CAMTA1: variants seen among roughly 807,000 people sequenced by gnomAD.
CAMTA1 encodes calmodulin binding transcription activator 1, also known as calmodulin-binding transcription activator 1.
Under a neutral mutation model 170.9 loss-of-function variants are expected in CAMTA1, and 27 were observed. That is an observed-to-expected ratio of 0.16 (90% CI 0.12 to 0.22). CAMTA1 has a LOEUF of 0.22. CAMTA1 is among the 10% of genes least tolerant of loss of function. The pLI is 1.00. For missense variants in CAMTA1, 1,619 were observed against 2,217.2 expected, an observed-to-expected ratio of 0.73 and a Z score of 5.42; for synonymous variants, 833 against 891.5, an observed-to-expected ratio of 0.93 and a Z score of 1.17.
At chr1:6,925,858 C>T (rs1353054424) in intron 3 of CAMTA1, among the ~76,000 whole-genome samples, 2 of 152,212 alleles carry the variant, frequency 1.3e-5, no homozygotes, top group Non-Finnish European at 2.9e-5. Context: ...GCTGGCTGAT[C>T]CATCACCAGG....
At chr1:7,180,550 C>T (rs1381675361) in intron 4 of CAMTA1, among the ~76,000 whole-genome samples, 1 of 148,304 alleles carries the variant, frequency 6.7e-6, no homozygotes, top group Non-Finnish European at 1.5e-5. Context: ...CCGGGCCCCC[C>T]TCTATCATCC....
chr1:7,640,919 G>A (rs1338046098), intron 7 of CAMTA1, among the ~76,000 whole-genome samples: 2 of 152,166 alleles, frequency 1.3e-5, no homozygotes, highest in South Asian at 2.1e-4. Context: ...GAGGGGTGGC[G>A]GGAGCGGACC....
At chr1:7,658,791 G>A (rs2095928478) in intron 7 of CAMTA1, among the ~76,000 whole-genome samples, 2 of 152,112 alleles carry the variant, frequency 1.3e-5, no homozygotes, top group Admixed American at 1.3e-4. Flanking sequence ...CTATGATGAG[G>A]TTTAAAAAGC....
chr1:6,937,668 T>C (rs1172320590), intron 3 of CAMTA1, among the ~76,000 whole-genome samples: 3 of 134,702 alleles, frequency 2.2e-5, no homozygotes, highest in Non-Finnish European at 3.2e-5. Context: ...ATCACCATCA[T>C]CATCACCATC....
rs979947542 is a variant in CAMTA1 at position 7,752,521 on chromosome 1, G to A, written c.4946G>A (p.Arg1649His). ...CGAAAAATAATGAGGTTTCTTCGCC[G>A]CTGTCGCCACAGGTACACTAGTCCT... ...AARKIMRFLRRCRHSPLVDHR... is the reference protein window; with the variant it reads ...AARKIMRFLRHCRHSPLVDHR... The change falls in exon 21 of 23, where the codon CGC (arginine) becomes CAC (histidine). Residue 1649 changes from arginine (R) to histidine (H), a missense_variant. By Grantham distance (29) the Arg-to-His change is conservative. Coordinates refer to ENST00000303635, the MANE Select transcript of CAMTA1 (RefSeq NM_015215.4). 17 of 1,606,504 alleles carry A rather than the reference G, an allele frequency of 1.1e-5. No homozygotes were observed. The highest frequency in any genetic ancestry group is 1.7e-5 in the Admixed American group (1 of 59,220).
chr1:7,761,660 A>G (rs2096976949), intron 22 of CAMTA1, among the ~76,000 whole-genome samples: 1 of 152,164 alleles, frequency 6.6e-6, no homozygotes, highest in East Asian at 1.9e-4. Context: ...GTCTATATTT[A>G]CCAAGTTTGT....
intron 5 of CAMTA1, among the ~76,000 whole-genome samples, chr1:7,270,359 A>G (rs1280441081): frequency 7.0e-6 from 1 of 142,556 alleles, no homozygotes; most frequent in African/African-American, 2.7e-5. Flanking sequence ...CAATGGTGTG[A>G]TCTCGGCTCA....
intron 5 of CAMTA1, among the ~76,000 whole-genome samples, chr1:7,445,605 G>T (rs1370510336): frequency 6.6e-6 from 1 of 152,174 alleles, no homozygotes; most frequent in Non-Finnish European, 1.5e-5. Flanking sequence ...GAAAGACCTG[G>T]GCCCAAGGCC....
At chr1:6,901,181 G>A (rs377356213) in intron 3 of CAMTA1, among the ~76,000 whole-genome samples, 2 of 152,196 alleles carry the variant, frequency 1.3e-5, no homozygotes, top group African/African-American at 4.8e-5. Context: ...GGAACAACTG[G>A]ACATTCATGT....
At chr1:7,087,252 T>A (rs1640874124) in intron 3 of CAMTA1, among the ~76,000 whole-genome samples, 1 of 152,206 alleles carries the variant, frequency 6.6e-6, no homozygotes. Flanking sequence ...CATCTCCCGC[T>A]CTGTGTGTTG....
At position 7,249,454 on chromosome 1, in the gene CAMTA1, T is replaced by C; in HGVS notation, c.303-37T>C. The C allele has an allele frequency of 6.3e-7, 1 of 1,586,486 alleles. No individual in the cohort carries two copies. The highest frequency in any genetic ancestry group is 8.6e-7 in the Non-Finnish European group (1 of 1,163,674). ...TTTCTTCATAAATTTTTCTTCTACT[T>C]GGTACTCTTGGTAACTTAACCATTT... On this transcript the variant is annotated intron_variant, in intron 4 of 22. Transcript: ENST00000303635. This position sits in a 1 kb window ranked among gnomAD's most constrained non-coding sequence, Gnocchi z 4.4.
At chr1:7,705,247 G>T (rs1334934855) in intron 11 of CAMTA1, among the ~76,000 whole-genome samples, 8 of 151,226 alleles carry the variant, frequency 5.3e-5, no homozygotes, top group Admixed American at 4.6e-4. Context: ...CTGCAGGGAG[G>T]GGTGCGTTTG....
chr1:6,799,177 C>T (rs755946212), intron 1 of CAMTA1, among the ~76,000 whole-genome samples: 15 of 152,246 alleles, frequency 9.9e-5, no homozygotes, highest in Non-Finnish European at 1.9e-4. Flanking sequence ...AAGTGATCCT[C>T]CTGCCTCAGC....
intron 6 of CAMTA1, among the ~76,000 whole-genome samples, chr1:7,520,852 T>A (rs2094356445): frequency 6.6e-6 from 1 of 152,100 alleles, no homozygotes; most frequent in South Asian, 2.1e-4. Context: ...CATAGAACCT[T>A]CCAGACCAGC....
chr1:7,616,785 A>T (rs1425897737), intron 6 of CAMTA1, among the ~76,000 whole-genome samples: 1 of 152,152 alleles, frequency 6.6e-6, no homozygotes, highest in Non-Finnish European at 1.5e-5. Flanking sequence ...AATGAAGAGG[A>T]GGGGTGAGCG....
intron 4 of CAMTA1, among the ~76,000 whole-genome samples, chr1:7,114,430 C>T (rs1644242491): frequency 1.4e-5 from 2 of 143,652 alleles, no homozygotes; most frequent in Admixed American, 1.4e-4. Flanking sequence ...AATAGTCTAA[C>T]ACTAGTTGAT....
At chr1:6,931,990 CAGGGA>C (rs1684498141) in intron 3 of CAMTA1, among the ~76,000 whole-genome samples, 1 of 152,210 alleles carries the variant, frequency 6.6e-6, no homozygotes, top group African/African-American at 2.4e-5. Flanking sequence ...TGTGTGACCT[CAGGGA>C]ACACCATTCA....
chr1:7,349,984 T>G (rs2084530569), intron 5 of CAMTA1, among the ~76,000 whole-genome samples: 1 of 152,154 alleles, frequency 6.6e-6, no homozygotes. Flanking sequence ...GGGTCTCAGC[T>G]TGGGCTCACA....
chr1:7,003,964 C>T (rs1010284654), intron 3 of CAMTA1, among the ~76,000 whole-genome samples: 1 of 152,176 alleles, frequency 6.6e-6, no homozygotes, highest in Non-Finnish European at 1.5e-5. Context: ...TTGTGCTGTG[C>T]CTCTCGAAGG....
Sources: gnomAD v4.1 joint callset for allele counts (sites outside exome capture counted in the v4.1 genomes callset) on GRCh38, gnomAD v4.1.1 for gene constraint, Gnocchi (gnomAD v3.1) non-coding constraint, MANE v1.5 for transcripts, NCBI Gene and HGNC (gene_info 2026-07-23, HGNC 2026-07-21) for gene names.